Variants in LTA4H observed in about 807,000 individuals in gnomAD.
The protein encoded by LTA4H is leukotriene A4 hydrolase.
LTA4H carries 59 observed loss-of-function variants against 89.8 expected under a neutral mutation model. That is an observed-to-expected ratio of 0.66 (90% CI 0.53 to 0.82). LTA4H has a LOEUF of 0.82. Among genes scored for constraint, LTA4H ranks in the 40% least tolerant of loss-of-function variants. The pLI is 0.00. For synonymous variants in LTA4H, 227 were observed against 253.1 expected (o/e 0.90, Z 0.98); for missense variants, 617 against 727.0 (o/e 0.85, Z 1.74).
chr12:96,027,244 T>G (rs181898727), intron 3 of LTA4H, among the ~76,000 whole-genome samples, 200 bp downstream of exon 3: 1 of 152,348 alleles, frequency 6.6e-6, no homozygotes, highest in Admixed American at 6.5e-5. Context: ...AAGCTTCTTA[T>G]TTAAAGTAAG....
Position 96,017,598 on chromosome 12 carries a change from T to C in LTA4H, c.853-18A>G, listed in dbSNP as rs377006204. On this transcript the variant is annotated intron_variant, in intron 8 of 18. Coordinates refer to ENST00000228740, the MANE Select transcript of LTA4H (RefSeq NM_000895.3). ...TCGCCTGCCTACAAAAAAAGAAAAT[T>C]ACCTTAGTATTTTAGTAATCGAATT... is the stretch of plus-strand genomic sequence containing the variant. The C allele has an allele frequency of 3.1e-5, 50 of 1,598,154 alleles. No individual in the cohort carries two copies. Among genetic ancestry groups the C allele is most frequent in the Non-Finnish European group, 4.3e-5 (50 of 1,166,964 alleles).
At chr12:96,031,397 T>G (rs1950570042) in intron 1 of LTA4H, among the ~76,000 whole-genome samples, 1 of 152,214 alleles carries the variant, frequency 6.6e-6, no homozygotes, top group Non-Finnish European at 1.5e-5. Flanking sequence ...CAAACTACTT[T>G]TTAAAATTCC....
At chr12:96,019,764 TC>T (rs1950430163) in intron 6 of LTA4H, among the ~76,000 whole-genome samples, 1 of 151,494 alleles carries the variant, frequency 6.6e-6, no homozygotes, top group South Asian at 2.1e-4. Flanking sequence ...GCTAATTTTT[TC>T]TTTTTTTTGT....
intron 16 of LTA4H, among the ~76,000 whole-genome samples, chr12:96,006,011 G>A (rs1275233315): frequency 6.6e-6 from 1 of 152,066 alleles, no homozygotes; most frequent in African/African-American, 2.4e-5. Flanking sequence ...GCCTCCCAAA[G>A]TGCTGGGATT....
intron 3 of LTA4H, among the ~76,000 whole-genome samples, chr12:96,026,283 C>T (rs140667260): frequency 3.5e-4 from 54 of 152,274 alleles, no homozygotes; most frequent in Non-Finnish European, 7.1e-4. Context: ...ACAGAACAAC[C>T]GTAAGCAAAT....
chr12:96,029,072 A>C lies in LTA4H; in HGVS notation c.273T>G (p.Leu91=), dbSNP rs745812841. The change falls in exon 2 of 19, where the codon CTT becomes CTG. Residue 91 remains leucine, a synonymous_variant. Coordinates refer to ENST00000228740, the MANE Select transcript of LTA4H (RefSeq NM_000895.3). The part of the protein sequence containing the change: ...SYKGSPMEIS[L]PIALSKNQEI... ...ATTCATACTTGCTCAAAGCGATAGG[A>C]AGAGAGATTTCCATTGGCGATCCCT... 3.8e-6 allele frequency: 6 copies of C among 1,590,652 alleles called. No individual in the cohort carries two copies. In the Admixed American group the frequency reaches 1.1e-4, roughly 28 times the overall value.
chr12:96,002,066 C>T (rs769141490), intron 18 of LTA4H, among the ~76,000 whole-genome samples: 1 of 152,144 alleles, frequency 6.6e-6, no homozygotes, highest in Non-Finnish European at 1.5e-5. Context: ...ACTATGTTAG[C>T]CAGGCTGGTC....
chr12:96,035,447 G>C lies in LTA4H; in HGVS notation c.73C>G (p.Arg25Gly), dbSNP rs538837004. The change falls in exon 1 of 19, where the codon CGC (arginine) becomes GGC (glycine). Residue 25 changes from arginine (R) to glycine (G), a missense_variant. Physicochemically the swap from Arg to Gly is moderately radical, Grantham distance 125. Around this residue, in one of 3 missense-constraint regions of LTA4H, gnomAD observed 155 missense variants for 143.3 expected, o/e 1.08. Transcript: ENST00000228740. ...CGGCGAGTAAAGTCGACGCTGCAGC[G>C]CAGGTGCAGGTGCTTGGTCCGGCAG... is the stretch of plus-strand genomic sequence containing the variant. ...SVCRTKHLHL[R>G]CSVDFTRRTL... 6.2e-7 allele frequency: 1 copy of C among 1,609,408 alleles called. No homozygotes were observed. Among genetic ancestry groups the C allele is most frequent in the Admixed American group, 1.7e-5 (1 of 59,284 alleles).
intron 8 of LTA4H, 21 bp downstream of exon 8, chr12:96,018,742 T>G (rs1314690736): frequency 6.6e-7 from 1 of 1,510,644 alleles, no homozygotes; most frequent in African/African-American, 1.4e-5. Flanking sequence ...CAATTTCAAA[T>G]GAAGAAACAT....
intron 14 of LTA4H, 79 bp from the exon 15 acceptor site, chr12:96,009,227 T>TA (rs1246124846): frequency 3.3e-6 from 3 of 919,146 alleles, no homozygotes; most frequent in Non-Finnish European, 5.2e-6. Context: ...AGTACATACT[T>TA]AAATTTCAAA....
upstream of LTA4H, among the ~76,000 whole-genome samples, chr12:96,035,831 G>A (rs1950636609): frequency 6.6e-6 from 1 of 152,098 alleles, no homozygotes; most frequent in Non-Finnish European, 1.5e-5. Flanking sequence ...TTAGAAGGGT[G>A]GCCGAAGGGA....
intron 6 of LTA4H, among the ~76,000 whole-genome samples, chr12:96,019,541 C>T (rs190806162): frequency 2.7e-5 from 4 of 150,782 alleles, no homozygotes; most frequent in African/African-American, 9.7e-5. Context: ...TTTCATCCCT[C>T]AATTTCACAA....
intron 1 of LTA4H, among the ~76,000 whole-genome samples, chr12:96,032,532 C>T (rs1566017955): frequency 6.6e-6 from 1 of 152,134 alleles, no homozygotes; most frequent in Non-Finnish European, 1.5e-5. Flanking sequence ...TCTCTACATT[C>T]AAGAGTCCAC....
intron 16 of LTA4H, 83 bp from the exon 17 acceptor site, chr12:96,004,003 G>C: frequency 1.6e-6 from 1 of 628,114 alleles, no homozygotes; most frequent in South Asian, 2.5e-5. Context: ...TGCATAGCCA[G>C]ATTAAAATCC....
At chr12:96,036,611 G>A (rs2136926509), upstream of LTA4H, among the ~76,000 whole-genome samples, 1 of 152,330 alleles carries the variant, frequency 6.6e-6, no homozygotes, top group East Asian at 1.9e-4. Context: ...AGTTAGGATA[G>A]AGAGGAAGGA....
upstream of LTA4H, among the ~76,000 whole-genome samples, chr12:96,040,199 C>T (rs1950677806): frequency 6.6e-6 from 1 of 152,108 alleles, no homozygotes; most frequent in Non-Finnish European, 1.5e-5. Context: ...AGGCGTGGGG[C>T]CAGAAGTAGA....
At chr12:96,009,014 A>G in intron 15 of LTA4H, 80 bp downstream of exon 15, 2 of 1,048,974 alleles carry the variant, frequency 1.9e-6, no homozygotes, top group Non-Finnish European at 2.9e-6. Context: ...TTTGTGATTT[A>G]AAGTACCCTC....
chr12:96,037,436 C>T (rs1294114912), upstream of LTA4H, among the ~76,000 whole-genome samples: 2 of 152,154 alleles, frequency 1.3e-5, no homozygotes, highest in African/African-American at 2.4e-5. Flanking sequence ...AAAGAGCCAA[C>T]CAACAATGCC....
intron 16 of LTA4H, 91 bp downstream of exon 16, chr12:96,006,223 C>G: frequency 1.5e-6 from 1 of 662,966 alleles, no homozygotes; most frequent in Middle Eastern, 2.6e-4. Flanking sequence ...CATTAGTTTC[C>G]ACATTAATAA....
Sources: allele counts gnomAD v4.1 joint callset (sites outside exome capture counted in the v4.1 genomes callset), GRCh38; gene constraint gnomAD v4.1.1; regional missense constraint gnomAD v4.1.1; transcripts MANE v1.5; gene names NCBI Gene and HGNC (gene_info 2026-07-23, HGNC 2026-07-21).